Variants in ATG10 observed in about 807,000 individuals in gnomAD.
ATG10 encodes ubiquitin-like-conjugating enzyme ATG10.
ATG10 carries 30 observed loss-of-function variants against 32.1 expected under a neutral mutation model. That is an observed-to-expected ratio of 0.94 (90% CI 0.70 to 1.27). ATG10 has a LOEUF of 1.27. Among genes scored for constraint, ATG10 ranks in the 50% most tolerant of loss-of-function variants. The pLI, the probability that ATG10 is intolerant of heterozygous loss-of-function variation, is 0.00. For synonymous variants in ATG10, 87 were observed against 91.5 expected, an observed-to-expected ratio of 0.95 and a Z score of 0.28; for missense variants, 233 against 262.3, an observed-to-expected ratio of 0.89 and a Z score of 0.77.
At chr5:82,206,359 A>C (rs759738031) in intron 5 of ATG10, among the ~76,000 whole-genome samples, 7 of 152,110 alleles carry the variant, frequency 4.6e-5, no homozygotes, top group Non-Finnish European at 1.0e-4. Flanking sequence ...ATTTTTAAAA[A>C]ACTTCTCACC....
intron 5 of ATG10, among the ~76,000 whole-genome samples, chr5:82,184,171 C>A (rs993497351): frequency 6.6e-6 from 1 of 152,134 alleles, no homozygotes; most frequent in South Asian, 2.1e-4. Context: ...CCACCACTTA[C>A]TAGCTGCATG....
At chr5:82,050,914 G>A (rs1204033587) in intron 2 of ATG10, among the ~76,000 whole-genome samples, 1 of 151,370 alleles carries the variant, frequency 6.6e-6, no homozygotes, top group Non-Finnish European at 1.5e-5. Context: ...AAGAGACTGA[G>A]GCAGGAGGAT....
At chr5:82,092,660 C>T (rs559783399) in intron 3 of ATG10, among the ~76,000 whole-genome samples, 1 of 152,200 alleles carries the variant, frequency 6.6e-6, no homozygotes, top group African/African-American at 2.4e-5. Flanking sequence ...TCCCATGAGA[C>T]TGAAGGCAGA....
At chr5:82,099,972 T>A (rs1765204342) in intron 3 of ATG10, among the ~76,000 whole-genome samples, 2 of 151,276 alleles carry the variant, frequency 1.3e-5, no homozygotes, top group South Asian at 4.2e-4. Context: ...GAGACAGTGA[T>A]TTCTGATTTC....
chr5:82,244,256 A>G (rs1746926588), intron 5 of ATG10, among the ~76,000 whole-genome samples: 1 of 152,288 alleles, frequency 6.6e-6, no homozygotes, highest in South Asian at 2.1e-4. Flanking sequence ...TTTTTGAAGG[A>G]GTAGACTAGA....
intron 3 of ATG10, among the ~76,000 whole-genome samples, chr5:82,136,316 A>G (rs1468948827): frequency 6.6e-6 from 1 of 152,166 alleles, no homozygotes; most frequent in African/African-American, 2.4e-5. Flanking sequence ...GTTTCTTCAT[A>G]GTGTCGACGG....
intron 3 of ATG10, among the ~76,000 whole-genome samples, chr5:82,062,646 G>A (rs925358041): frequency 1.3e-5 from 2 of 152,206 alleles, no homozygotes; most frequent in Admixed American, 6.5e-5. Context: ...ACATGAAGGA[G>A]CAGGAAGAGA....
chr5:82,136,667 T>C (rs942908408), intron 3 of ATG10, among the ~76,000 whole-genome samples: 1 of 152,190 alleles, frequency 6.6e-6, no homozygotes, highest in Non-Finnish European at 1.5e-5. Context: ...ATTTCAGCCT[T>C]GGTGAAGCTG....
chr5:82,237,615 C>T (rs1480158486), intron 5 of ATG10, among the ~76,000 whole-genome samples: 2 of 151,718 alleles, frequency 1.3e-5, no homozygotes, highest in Non-Finnish European at 1.5e-5. Flanking sequence ...TGCACTCCGG[C>T]CTGGATGACA....
intron 2 of ATG10, among the ~76,000 whole-genome samples, chr5:81,989,098 G>A (rs1408157010): frequency 6.6e-6 from 1 of 152,196 alleles, no homozygotes; most frequent in African/African-American, 2.4e-5. Context: ...CAAAGAGCTG[G>A]GATTACAAGC....
chr5:82,131,592 A>G (rs1766525433), intron 3 of ATG10, among the ~76,000 whole-genome samples: 2 of 152,136 alleles, frequency 1.3e-5, no homozygotes, highest in Non-Finnish European at 2.9e-5. Flanking sequence ...AGATTTTTGA[A>G]AAGAATCCAA....
At chr5:82,063,377 T>C (rs1168341970) in intron 3 of ATG10, among the ~76,000 whole-genome samples, 3 of 152,198 alleles carry the variant, frequency 2.0e-5, no homozygotes, top group Non-Finnish European at 4.4e-5. Flanking sequence ...TGTTTTATCT[T>C]AATAGATAGT....
intron 2 of ATG10, among the ~76,000 whole-genome samples, chr5:82,032,841 A>T (rs1256016461): frequency 2.6e-5 from 4 of 152,010 alleles, no homozygotes; most frequent in Admixed American, 6.6e-5. Flanking sequence ...CCTTTTTAAT[A>T]TATTAATTCA....
At chr5:82,123,645 G>A (rs572659578) in intron 3 of ATG10, among the ~76,000 whole-genome samples, 1 of 151,648 alleles carries the variant, frequency 6.6e-6, no homozygotes, top group South Asian at 2.1e-4. Context: ...AGTTGGAAAT[G>A]GAGACCAGGC....
chr5:82,110,626 T>C (rs1284296980), intron 3 of ATG10, among the ~76,000 whole-genome samples: 2 of 152,134 alleles, frequency 1.3e-5, no homozygotes, highest in African/African-American at 2.4e-5. Flanking sequence ...TCATATCCTT[T>C]GCCCACTTTT....
At chr5:82,230,962 G>A (rs1389310913) in intron 5 of ATG10, among the ~76,000 whole-genome samples, 3 of 152,110 alleles carry the variant, frequency 2.0e-5, no homozygotes, top group Non-Finnish European at 4.4e-5. Context: ...ATAACTGATA[G>A]ATAGATAGAT....
chr5:81,985,749 G>C (rs1761245172), intron 1 of ATG10, among the ~76,000 whole-genome samples: 1 of 152,136 alleles, frequency 6.6e-6, no homozygotes, highest in Non-Finnish European at 1.5e-5. Flanking sequence ...TTTGCTTATA[G>C]AAATAACAGT....
intron 3 of ATG10, chr5:82,148,184 C>T (rs1028920885): frequency 6.6e-6 from 1 of 152,082 alleles, no homozygotes; most frequent in Non-Finnish European, 1.5e-5. Context: ...GTGACAAAGA[C>T]CTTATACCTA....
At chr5:81,996,203 G>T (rs1761658909) in intron 2 of ATG10, among the ~76,000 whole-genome samples, 2 of 152,002 alleles carry the variant, frequency 1.3e-5, no homozygotes, top group South Asian at 2.1e-4. Context: ...TACCAGTTTA[G>T]TTCTCAGTTT....
Sources: allele counts gnomAD v4.1 joint callset (sites outside exome capture counted in the v4.1 genomes callset), GRCh38; gene constraint gnomAD v4.1.1; transcripts MANE v1.5; gene names NCBI Gene and HGNC (gene_info 2026-07-23, HGNC 2026-07-21).